KAZN: variants seen among roughly 807,000 people sequenced by gnomAD.
KAZN encodes the protein kazrin.
Under a neutral mutation model 87.4 loss-of-function variants are expected in KAZN, and 40 were observed. The observed-to-expected ratio is 0.46, with a 90% CI of 0.36 to 0.60. The LOEUF (loss-of-function observed/expected upper bound fraction) is 0.60. Ranked by LOEUF, KAZN falls within the 20% of genes least tolerant of loss-of-function variation. KAZN has a pLI of 0.00. For missense variants in KAZN, 898 were observed against 1,073.9 expected, an observed-to-expected ratio of 0.84 and a Z score of 2.29; for synonymous variants, 466 against 458.3, an observed-to-expected ratio of 1.02 and a Z score of -0.22.
At chr1:14,934,653 C>G (rs912899403) in intron 1 of KAZN, among the ~76,000 whole-genome samples, 1 of 152,150 alleles carries the variant, frequency 6.6e-6, no homozygotes, top group African/African-American at 2.4e-5. Context: ...TGTTCAGCAA[C>G]GGGACAGGCT....
At position 15,060,317 on chromosome 1, in the gene KAZN, A is replaced by G; in HGVS notation, c.1047+15A>G. 6.2e-7 allele frequency: 1 copy of G among 1,613,848 alleles called. No individual in the cohort carries two copies. On this transcript the variant is annotated intron_variant, in intron 6 of 14. Coordinates refer to ENST00000376030, the MANE Select transcript of KAZN (RefSeq NM_201628.3). Reference sequence around the variant, plus strand: ...CCCTCTGCAACGTAAGGCCAGCAGCAGCGGGGCCTGGGCCCCTGGGCCCTG... The same window carrying G: ...CCCTCTGCAACGTAAGGCCAGCAGCGGCGGGGCCTGGGCCCCTGGGCCCTG...
At chr1:14,188,122 AC>A (rs1457427672) in intron 2 of KAZN, among the ~76,000 whole-genome samples, 1 of 151,736 alleles carries the variant, frequency 6.6e-6, no homozygotes, top group Non-Finnish European at 1.5e-5. Context: ...CATTTAGATA[AC>A]AGTTCAAAGA....
intron 1 of KAZN, among the ~76,000 whole-genome samples, chr1:13,956,475 C>G (rs1490809744): frequency 6.6e-6 from 1 of 151,644 alleles, no homozygotes; most frequent in Non-Finnish European, 1.5e-5. Context: ...TCCTCCAATT[C>G]CCTGCCAGCT....
intron 1 of KAZN, among the ~76,000 whole-genome samples, chr1:14,610,980 G>T (rs1677773016): frequency 6.6e-6 from 1 of 152,190 alleles, no homozygotes; most frequent in Admixed American, 6.5e-5. Flanking sequence ...TTTCGCTGTG[G>T]CTGTAACTGC....
intron 8 of KAZN, among the ~76,000 whole-genome samples, chr1:15,069,553 G>C (rs768341033): frequency 4.6e-5 from 7 of 152,220 alleles, no homozygotes; most frequent in Non-Finnish European, 8.8e-5. Flanking sequence ...CATGAACCCG[G>C]GAGTTGGAGC....
chr1:14,885,810 G>T (rs1002880584), intron 1 of KAZN, among the ~76,000 whole-genome samples: 7 of 152,070 alleles, frequency 4.6e-5, no homozygotes, highest in Admixed American at 3.3e-4. Context: ...CTCTTGCAAA[G>T]CCCAGCCTCC....
chr1:14,058,161 C>T (rs756319087), intron 1 of KAZN, among the ~76,000 whole-genome samples: 1 of 152,176 alleles, frequency 6.6e-6, no homozygotes, highest in Non-Finnish European at 1.5e-5. Flanking sequence ...CTCCACCTTC[C>T]CCCACTATCC....
chr1:14,419,727 G>A (rs1557708307), intron 2 of KAZN, among the ~76,000 whole-genome samples: 1 of 151,996 alleles, frequency 6.6e-6, no homozygotes, highest in South Asian at 2.1e-4. Context: ...GCAGACCTCC[G>A]CGGTGAGCGT....
chr1:14,841,033 G>A lies in KAZN; in HGVS notation c.227-119651G>A, dbSNP rs371271789. On this transcript the variant is annotated intron_variant, in intron 1 of 14. Transcript: ENST00000376030. Reference sequence around the variant, plus strand: ...ACACATCTGGGGAAGAACATTCTAAGCATCAACAACAAGTGTAAAGGCTTC... The same window carrying A: ...ACACATCTGGGGAAGAACATTCTAAACATCAACAACAAGTGTAAAGGCTTC... Among the ~76,000 whole-genome samples, 74 of 152,224 alleles carry A rather than the reference G, an allele frequency of 4.9e-4. 1 individual carries two copies. In the East Asian group the frequency reaches 5.0e-3, roughly 10 times the overall value.
chr1:14,256,105 T>C (rs1015465907), intron 2 of KAZN, among the ~76,000 whole-genome samples: 15 of 152,224 alleles, frequency 9.9e-5, no homozygotes, highest in African/African-American at 2.7e-4. Context: ...CAGAGCTGCT[T>C]TTTTGCTAAT....
Position 13,930,361 on chromosome 1 carries a change from A to T in KAZN, c.91+36605A>T, listed in dbSNP as rs1640460911. 2.0e-5 allele frequency among the ~76,000 whole-genome samples: 3 copies of T among 152,212 alleles called. No homozygotes were observed. The South Asian group carries it at 6.2e-4, about 32-fold the overall frequency. ...TGAAGCCAGGGTGAACCACCAGCAG[A>T]GGGCAGCCTACCTGTCGACCCACAA... On this transcript the variant is annotated intron_variant, in intron 1 of 16. Transcript: ENST00000636203.
chr1:14,941,211 G>A lies in KAZN; in HGVS notation c.227-19473G>A, dbSNP rs555027327. ...TGGGATTACAGGCGTGAGCCACCAC[G>A]CCCGTCTTCATTCACCTTTTCTGTA... On this transcript the variant is annotated intron_variant, in intron 1 of 14. Transcript: ENST00000376030. Among the ~76,000 whole-genome samples, 22 of 152,224 alleles carry A rather than the reference G, an allele frequency of 1.4e-4. 1 individual carries two copies. Among genetic ancestry groups the A allele is most frequent in the Admixed American group, 7.2e-4 (11 of 15,288 alleles).
intron 2 of KAZN, among the ~76,000 whole-genome samples, chr1:14,995,061 G>A (rs553024750): frequency 4.6e-5 from 7 of 152,354 alleles, no homozygotes; most frequent in Admixed American, 1.3e-4. Context: ...TGCATTTCAC[G>A]CTGGGAAGGT....
At chr1:15,097,424 C>T (rs1281697979) in intron 10 of KAZN, among the ~76,000 whole-genome samples, 3 of 152,158 alleles carry the variant, frequency 2.0e-5, no homozygotes, top group Non-Finnish European at 4.4e-5. Flanking sequence ...ATACCAATGA[C>T]AAAACCCACC....
At chr1:14,921,294 C>A (rs928915208) in intron 1 of KAZN, among the ~76,000 whole-genome samples, 6 of 152,082 alleles carry the variant, frequency 3.9e-5, no homozygotes, top group Non-Finnish European at 5.9e-5. Context: ...GTAACTAGGA[C>A]GTATGTGCGC....
At chr1:15,026,092 C>T (rs1671132090) in intron 2 of KAZN, among the ~76,000 whole-genome samples, 1 of 152,218 alleles carries the variant, frequency 6.6e-6, no homozygotes, top group East Asian at 1.9e-4. Context: ...ACTTGCTGCC[C>T]TCGACTGGCC....
At chr1:14,102,261 C>T (rs373951710) in intron 1 of KAZN, among the ~76,000 whole-genome samples, 1 of 152,124 alleles carries the variant, frequency 6.6e-6, no homozygotes, top group Non-Finnish European at 1.5e-5. Flanking sequence ...TCAGAGAAAT[C>T]GCTAATCATG....
At chr1:14,845,559 GTGGA>G (rs112956559) in intron 1 of KAZN, among the ~76,000 whole-genome samples, 5,140 of 145,530 alleles carry the variant, frequency 0.035, 123 homozygotes, top group Non-Finnish European at 0.044. Flanking sequence ...AGATGGGTGG[GTGGA>G]TGGATGGATG....
intron 2 of KAZN, among the ~76,000 whole-genome samples, chr1:14,331,616 G>A (rs141295369): frequency 6.6e-6 from 1 of 152,184 alleles, no homozygotes; most frequent in East Asian, 1.9e-4. Context: ...TTTATCATTG[G>A]TCTATAAAGG....
Sources: allele counts gnomAD v4.1 joint callset (sites outside exome capture counted in the v4.1 genomes callset), GRCh38; gene constraint gnomAD v4.1.1; transcripts MANE v1.5; gene names NCBI Gene and HGNC (gene_info 2026-07-23, HGNC 2026-07-21).